Variants in WWOX observed in about 807,000 individuals in gnomAD.
The protein encoded by WWOX is WW domain-containing oxidoreductase.
Under a neutral mutation model 46.2 loss-of-function variants are expected in WWOX, and 69 were observed. That is an observed-to-expected ratio of 1.49 (90% CI 1.23 to 1.82). The LOEUF is 1.82. Among genes scored for constraint, WWOX ranks in the 40% most tolerant of loss-of-function variants. WWOX has a pLI of 0.00. For synonymous variants in WWOX, 359 were observed against 202.6 expected (o/e 1.77, Z -6.56); for missense variants, 919 against 542.6 (o/e 1.69, Z -6.89).
chr16:78,153,944 G>A (rs1079571), intron 4 of WWOX, among the ~76,000 whole-genome samples: 57,914 of 151,790 alleles, frequency 0.38, 11,338 homozygotes, highest in African/African-American at 0.46. Context: ...GAGGGGACAG[G>A]GTTCCCACCT....
chr16:78,326,872 G>C (rs2080635118), intron 5 of WWOX, among the ~76,000 whole-genome samples: 1 of 152,036 alleles, frequency 6.6e-6, no homozygotes, highest in South Asian at 2.1e-4. Flanking sequence ...TTTTTCGGTT[G>C]TATTCTATAT....
intron 8 of WWOX, among the ~76,000 whole-genome samples, chr16:78,433,235 T>A (rs986240553): frequency 2.0e-5 from 3 of 152,198 alleles, no homozygotes; most frequent in Non-Finnish European, 2.9e-5. Flanking sequence ...TATAATCCTC[T>A]GTTGGAGAGT....
intron 8 of WWOX, among the ~76,000 whole-genome samples, chr16:79,072,151 T>C (rs2048563060): frequency 6.6e-6 from 1 of 151,996 alleles, no homozygotes; most frequent in South Asian, 2.1e-4. Flanking sequence ...TTAGGCATGG[T>C]AGAGTGTGCC....
rs73575659 is a variant in WWOX, at chr16:78,801,924, C to G, written c.1056+369172C>G. ...TGTGATTTGGTGTAAATCGCTTAAC[C>G]TCTTTCAATGTTTTTTCAGCAAAAT... On this transcript the variant is annotated intron_variant, in intron 8 of 8. Transcript: ENST00000566780. Among the ~76,000 whole-genome samples, 1,098 of 151,894 alleles carry G rather than the reference C, an allele frequency of 7.2e-3. 20 individuals carry two copies. The highest frequency in any genetic ancestry group is 0.025 in the African/African-American group (1,048 of 41,472).
chr16:78,761,177 A>G (rs891140451), intron 8 of WWOX, among the ~76,000 whole-genome samples: 17 of 152,118 alleles, frequency 1.1e-4, no homozygotes, highest in Non-Finnish European at 1.6e-4. Flanking sequence ...TATAAGAACT[A>G]TTGCATTTTC....
intron 8 of WWOX, among the ~76,000 whole-genome samples, chr16:79,067,234 C>G (rs187347743): frequency 1.7e-3 from 253 of 152,238 alleles, no homozygotes; most frequent in African/African-American, 5.9e-3. Context: ...CTATCGAGAA[C>G]GATTGCTTTA....
intron 8 of WWOX, among the ~76,000 whole-genome samples, chr16:78,950,655 G>A (rs1322076311): frequency 1.3e-5 from 2 of 152,012 alleles, no homozygotes; most frequent in Admixed American, 1.3e-4. Flanking sequence ...AGAATTTTGA[G>A]GTGGAATCCT....
intron 8 of WWOX, among the ~76,000 whole-genome samples, chr16:78,801,475 C>T (rs1306388548): frequency 1.3e-5 from 2 of 152,182 alleles, no homozygotes; most frequent in African/African-American, 2.4e-5. Flanking sequence ...TGTCACCGCA[C>T]TCCAACCTGG....
chr16:78,206,089 GAA>G (rs2036386704), intron 5 of WWOX, among the ~76,000 whole-genome samples: 1 of 151,880 alleles, frequency 6.6e-6, no homozygotes, highest in Non-Finnish European at 1.5e-5. Flanking sequence ...GAAATCAGGT[GAA>G]GTCTTTGTAG....
Position 78,278,786 on chromosome 16 carries a change from A to ATCTATTATATGATGCAAAAT in WWOX, c.517-108074_517-108073insTCTATTATATGATGCAAAAT, listed in dbSNP as rs1330801751. 6 of 832,908 alleles carry ATCTATTATATGATGCAAAAT rather than the reference A, an allele frequency of 7.2e-6. No homozygotes were observed. In the African/African-American group the frequency reaches 8.6e-5, roughly 12 times the overall value. The allele number at this position is 832,908 out of a possible 1,614,324, so 51.6% of individuals were successfully genotyped here. A position where few individuals can be genotyped will look rare whatever the true frequency, so the allele number is the denominator to read the frequency against. The stretch of plus-strand genomic sequence containing the variant: ...TGACAGACATGTACGATTTGCAACA[A>ATCTATTATATGATGCAAAAT]CATCTATTATATGATTTAATTTATA... On this transcript the variant is annotated intron_variant, in intron 5 of 8. Transcript: ENST00000566780.
intron 8 of WWOX, among the ~76,000 whole-genome samples, chr16:79,127,058 T>C (rs1487921029): frequency 6.6e-6 from 1 of 152,126 alleles, no homozygotes; most frequent in Non-Finnish European, 1.5e-5. Context: ...AAAATGTACA[T>C]ATACACATAA....
chr16:79,172,567 G>A lies in WWOX; in HGVS notation c.1057-39041G>A, dbSNP rs118168378. Among the ~76,000 whole-genome samples, 325 of 152,244 alleles carry A rather than the reference G, an allele frequency of 2.1e-3. 1 individual carries two copies. The highest frequency in any genetic ancestry group is 6.8e-3 in the Middle Eastern group (2 of 294). ...ATTGCATCCAGCATGTCTACTCTGG[G>A]AAAGAACCTGTGGAGCCTCTTTAGG... On this transcript the variant is annotated intron_variant, in intron 8 of 8. Coordinates refer to ENST00000566780, the MANE Select transcript of WWOX (RefSeq NM_016373.4).
intron 8 of WWOX, among the ~76,000 whole-genome samples, chr16:78,763,379 C>T (rs969863663): frequency 6.6e-6 from 1 of 152,182 alleles, no homozygotes; most frequent in Non-Finnish European, 1.5e-5. Flanking sequence ...TCTGTTCATC[C>T]AGAACTCATT....
chr16:79,102,930 C>G (rs574813405), intron 8 of WWOX, among the ~76,000 whole-genome samples: 2 of 152,026 alleles, frequency 1.3e-5, no homozygotes, highest in Non-Finnish European at 2.9e-5. Context: ...TCTCTGTCCT[C>G]TTCCTCCCTC....
At chr16:78,335,547 G>T (rs560738803) in intron 5 of WWOX, among the ~76,000 whole-genome samples, 2 of 152,032 alleles carry the variant, frequency 1.3e-5, no homozygotes, top group Non-Finnish European at 2.9e-5. Flanking sequence ...GAGTGATTCC[G>T]TGTCCTTGCT....
Position 79,212,256 on chromosome 16 carries a change from A to ATTGTT in WWOX, c.*462_*466dup. Reference sequence around the variant, plus strand: ...CCTTGCTGCATTGATCCAGGAGATAATTGTTTCATTCATCCTGACCAAGAC... The same window carrying ATTGTT: ...CCTTGCTGCATTGATCCAGGAGATAATTGTTTTGTTTCATTCATCCTGACCAAGAC... On this transcript the variant is annotated 3_prime_UTR_variant, in exon 9 of 9. Transcript: ENST00000566780. The ATTGTT allele has an allele frequency of 1.5e-6, 2 of 1,306,720 alleles. No homozygotes were observed. The highest frequency in any genetic ancestry group is 1.6e-5 in the South Asian group (1 of 63,088). 80.9% of individuals were successfully genotyped at this position (1,306,720 alleles called of 1,614,324 possible).
At chr16:78,595,432 G>A (rs907546099) in intron 8 of WWOX, among the ~76,000 whole-genome samples, 56 of 152,176 alleles carry the variant, frequency 3.7e-4, no homozygotes, top group South Asian at 2.1e-4. Context: ...CGTAATATTC[G>A]TTGGGATCAT....
intron 8 of WWOX, among the ~76,000 whole-genome samples, chr16:78,767,370 G>A (rs920965069): frequency 1.8e-4 from 28 of 151,644 alleles, no homozygotes; most frequent in African/African-American, 4.6e-4. Context: ...CCTGTGCTCC[G>A]GTCATCCACC....
At chr16:78,917,173 G>C (rs1054507701) in intron 8 of WWOX, among the ~76,000 whole-genome samples, 8 of 152,156 alleles carry the variant, frequency 5.3e-5, no homozygotes, top group African/African-American at 1.9e-4. Flanking sequence ...TGTAGCCATG[G>C]AGATTTGGAA....
Sources: allele counts gnomAD v4.1 joint callset (sites outside exome capture counted in the v4.1 genomes callset), GRCh38; gene constraint gnomAD v4.1.1; transcripts MANE v1.5; gene names NCBI Gene and HGNC (gene_info 2026-07-23, HGNC 2026-07-21).